The following GABRG3 variants were observed in gnomAD, a reference collection of about 807,000 sequenced individuals.
The protein encoded by GABRG3 is gamma-aminobutyric acid type A receptor subunit gamma3.
In GABRG3, 25 loss-of-function variants were observed where a neutral mutation model predicts 48.8. The ratio of observed to expected loss-of-function variants is 0.51; its 90% CI spans 0.37 to 0.72. GABRG3 has a LOEUF of 0.72. GABRG3 is among the 30% of genes least tolerant of loss of function. The probability of loss-of-function intolerance (pLI) is 0.00; values close to 1 mark genes in which losing one functional copy is unlikely to be tolerated. For missense variants in GABRG3, 394 were observed against 577.9 expected, an observed-to-expected ratio of 0.68 and a Z score of 3.26; for synonymous variants, 227 against 217.6, an observed-to-expected ratio of 1.04 and a Z score of -0.38.
chr15:27,461,801 A>C (rs537332601), intron 5 of GABRG3, among the ~76,000 whole-genome samples: 1 of 152,184 alleles, frequency 6.6e-6, no homozygotes, highest in Non-Finnish European at 1.5e-5. Flanking sequence ...AGCGGGCTTC[A>C]ATTCTCACCA....
At chr15:27,277,959 A>G (rs962830392) in intron 3 of GABRG3, among the ~76,000 whole-genome samples, 1 of 152,168 alleles carries the variant, frequency 6.6e-6, no homozygotes, top group Non-Finnish European at 1.5e-5. Context: ...ACAATAGCCA[A>G]ACCAGAACAC....
intron 5 of GABRG3, among the ~76,000 whole-genome samples, chr15:27,442,535 G>T (rs571771647): frequency 6.6e-6 from 1 of 152,148 alleles, no homozygotes; most frequent in African/African-American, 2.4e-5. Context: ...CAGCATACAC[G>T]CATCCTAGTC....
chr15:27,331,817 T>C (rs115138180), intron 5 of GABRG3, among the ~76,000 whole-genome samples: 257 of 152,322 alleles, frequency 1.7e-3, no homozygotes, highest in African/African-American at 5.7e-3. Flanking sequence ...TTCTGTACTT[T>C]CTGCTCAATT....
At chr15:27,156,362 T>C (rs1051586156) in intron 3 of GABRG3, among the ~76,000 whole-genome samples, 1 of 151,668 alleles carries the variant, frequency 6.6e-6, no homozygotes, top group Non-Finnish European at 1.5e-5. Context: ...GATGCCCCTT[T>C]ACTTGTCCTT....
chr15:27,027,830 C>G (rs906319443), intron 3 of GABRG3, among the ~76,000 whole-genome samples: 2 of 152,166 alleles, frequency 1.3e-5, no homozygotes, highest in African/African-American at 4.8e-5. Flanking sequence ...TTTCCTGATA[C>G]ATCATTATTC....
intron 3 of GABRG3, among the ~76,000 whole-genome samples, chr15:27,056,587 G>A (rs1202375629): frequency 2.0e-5 from 3 of 152,066 alleles, no homozygotes; most frequent in Non-Finnish European, 4.4e-5. Flanking sequence ...AAACTGGGGT[G>A]TGTGGAGAGC....
At chr15:27,521,355 A>G (rs1891155929) in intron 7 of GABRG3, among the ~76,000 whole-genome samples, 1 of 152,148 alleles carries the variant, frequency 6.6e-6, no homozygotes, top group Non-Finnish European at 1.5e-5. Context: ...TGAAGCTTGA[A>G]CCAAGCAATA....
chr15:27,119,984 C>T (rs1355215597), intron 3 of GABRG3, among the ~76,000 whole-genome samples: 1 of 152,210 alleles, frequency 6.6e-6, no homozygotes, highest in Non-Finnish European at 1.5e-5. Context: ...AAGCAAGCCA[C>T]AGGTCCTTGT....
intron 5 of GABRG3, among the ~76,000 whole-genome samples, chr15:27,339,620 A>G (rs1250411798): frequency 1.3e-5 from 2 of 152,218 alleles, no homozygotes; most frequent in African/African-American, 4.8e-5. Flanking sequence ...ACAGGGCTTC[A>G]GTATCGTCCC....
chr15:27,323,880 CCA>C (rs771681227), intron 3 of GABRG3, among the ~76,000 whole-genome samples: 1 of 152,196 alleles, frequency 6.6e-6, no homozygotes, highest in Non-Finnish European at 1.5e-5. Flanking sequence ...GAGCTCTGCT[CCA>C]CACAGTCTCT....
At position 27,495,177 on chromosome 15, in the gene GABRG3, T is replaced by A. The variant is rs115025603; in HGVS notation, c.712+14390T>A. Among the ~76,000 whole-genome samples the A allele has an allele frequency of 2.5e-3, 388 of 152,316 alleles. 4 individuals carry two copies. The highest frequency in any genetic ancestry group is 9.1e-3 in the African/African-American group (380 of 41,584). The stretch of plus-strand genomic sequence containing the variant: ...CCTTACTACCTTCTCTTTCTATGAC[T>A]TTGACTACTTTAGATACTTCATATA... On this transcript the variant is annotated intron_variant, in intron 6 of 9. Coordinates refer to ENST00000615808, the MANE Select transcript of GABRG3 (RefSeq NM_033223.5).
In GABRG3 at chr15:27,535,428, C is replaced by A. The variant is rs538583381; in HGVS notation, c.*2547C>A. 2 of 152,144 alleles carry A rather than the reference C, an allele frequency of 1.3e-5. No individual in the cohort carries two copies. The highest frequency in any genetic ancestry group is 2.9e-5 in the Non-Finnish European group (2 of 68,040). The allele number at this position is 152,144 out of a possible 1,614,324, so 9.4% of individuals were successfully genotyped here. ...AATTTTACATGTAGGATAAATACAC[C>A]AATAACCTCAGTTTTCTGAATCCAG... On this transcript the variant is annotated 3_prime_UTR_variant, in exon 10 of 10. Transcript: ENST00000615808.
At chr15:27,497,619 C>G (rs184622781) in intron 6 of GABRG3, among the ~76,000 whole-genome samples, 2 of 152,244 alleles carry the variant, frequency 1.3e-5, no homozygotes, top group East Asian at 3.9e-4. Flanking sequence ...ACTCGGAGTT[C>G]AGAAAAGTAT....
intron 2 of GABRG3, among the ~76,000 whole-genome samples, chr15:27,025,984 G>A (rs1951682733): frequency 6.6e-6 from 1 of 152,152 alleles, no homozygotes; most frequent in Admixed American, 6.5e-5. Context: ...CTCATTATCA[G>A]GCTTGCTCAG....
chr15:27,154,333 C>T (rs180719277), intron 3 of GABRG3, among the ~76,000 whole-genome samples: 35 of 152,198 alleles, frequency 2.3e-4, no homozygotes, highest in Admixed American at 1.4e-3. Context: ...CCTTTTATTT[C>T]TTTCTTTTGC....
chr15:26,972,649 C>T lies in GABRG3; in HGVS notation c.53+1061C>T, dbSNP rs538024930. Among the ~76,000 whole-genome samples the T allele has an allele frequency of 2.6e-5, 4 of 152,266 alleles. No individual in the cohort carries two copies. The South Asian group carries it at 8.3e-4, about 32-fold the overall frequency. On this transcript the variant is annotated intron_variant, in intron 1 of 9. Coordinates refer to ENST00000615808, the MANE Select transcript of GABRG3 (RefSeq NM_033223.5). ...GGCATCCTTGCGTGCACAAGCCTGG[C>T]CACCATCAGGAGGCAATGCCAGGAG...
chr15:27,294,605 T>C (rs1891915685), intron 3 of GABRG3, among the ~76,000 whole-genome samples: 1 of 152,164 alleles, frequency 6.6e-6, no homozygotes, highest in African/African-American at 2.4e-5. Flanking sequence ...GTCTTTGGAC[T>C]CAGCAGCACT....
intron 5 of GABRG3, among the ~76,000 whole-genome samples, chr15:27,398,506 A>C (rs1378701699): frequency 6.6e-6 from 1 of 152,188 alleles, no homozygotes; most frequent in African/African-American, 2.4e-5. Flanking sequence ...AGAAAATATT[A>C]ATATATACCT....
intron 3 of GABRG3, among the ~76,000 whole-genome samples, chr15:27,149,763 G>A (rs1898276381): frequency 1.3e-5 from 2 of 152,116 alleles, no homozygotes; most frequent in African/African-American, 4.8e-5. Context: ...CTTGATTTTT[G>A]ACAAGGGCTA....
Sources: gnomAD v4.1 joint callset for allele counts (sites outside exome capture counted in the v4.1 genomes callset) on GRCh38, gnomAD v4.1.1 for gene constraint, MANE v1.5 for transcripts, NCBI Gene and HGNC (gene_info 2026-07-23, HGNC 2026-07-21) for gene names.